The following ZFAND6 variants were observed in gnomAD, a reference collection of about 807,000 sequenced individuals.
The protein encoded by ZFAND6 is zinc finger AN1-type containing 6, also known as AN1-type zinc finger protein 6.
In ZFAND6, 12 loss-of-function variants were observed where a neutral mutation model predicts 24.5. The observed-to-expected ratio is 0.49, with a 90% CI of 0.31 to 0.79. ZFAND6 has a LOEUF of 0.79. ZFAND6 is among the 30% of genes least tolerant of loss of function. The probability of loss-of-function intolerance (pLI) is 0.04; values close to 1 mark genes in which losing one functional copy is unlikely to be tolerated. For missense variants in ZFAND6, 207 were observed against 245.9 expected, an observed-to-expected ratio of 0.84 and a Z score of 1.06; for synonymous variants, 92 against 81.5, an observed-to-expected ratio of 1.13 and a Z score of -0.69.
At chr15:80,110,393 C>T (rs146936988) in intron 2 of ZFAND6, among the ~76,000 whole-genome samples, 1 of 152,070 alleles carries the variant, frequency 6.6e-6, no homozygotes, top group Non-Finnish European at 1.5e-5. Flanking sequence ...TCACAGAACA[C>T]TATAAAACAT....
Position 80,126,641 on chromosome 15 carries a change from C to T in ZFAND6, c.364+3841C>T, listed in dbSNP as rs1054212609. On this transcript the variant is annotated intron_variant, in intron 5 of 6. Transcript: ENST00000261749. ...GTCATACCATATGCAAAAATTCACC[C>T]GAAATACATCAAAGACCTAAAACGA... Among the ~76,000 whole-genome samples the T allele has an allele frequency of 5.3e-5, 8 of 152,210 alleles. No homozygotes were observed. The South Asian group carries it at 8.3e-4, about 16-fold the overall frequency.
intron 1 of ZFAND6, among the ~76,000 whole-genome samples, chr15:80,078,813 G>A (rs2141845505): frequency 6.6e-6 from 1 of 151,210 alleles, no homozygotes; most frequent in South Asian, 2.1e-4. Context: ...ATTAGTGATG[G>A]TAATGTTGAG....
At chr15:80,060,091 G>T (rs1433716067) in intron 1 of ZFAND6, 1 of 151,994 alleles carries the variant, frequency 6.6e-6, no homozygotes, top group East Asian at 1.9e-4. Context: ...CTTCCTGTCA[G>T]GGTGGTCGCG....
At chr15:80,135,798 G>T (rs1366251440) in intron 6 of ZFAND6, among the ~76,000 whole-genome samples, 1 of 152,018 alleles carries the variant, frequency 6.6e-6, no homozygotes, top group African/African-American at 2.4e-5. Context: ...AGATGTTTCA[G>T]ATTTGCCCAT....
At chr15:80,132,684 A>C (rs1012886720) in intron 6 of ZFAND6, among the ~76,000 whole-genome samples, 4 of 152,310 alleles carry the variant, frequency 2.6e-5, no homozygotes, top group South Asian at 4.1e-4. Context: ...TGTGGTTCTC[A>C]TGTATTTTTC....
chr15:80,097,673 A>AATAAATAAATAC lies in ZFAND6; in HGVS notation c.-180-740_-180-739insAATAAATACATA, dbSNP rs71455303. Among the ~76,000 whole-genome samples, 957 of 150,612 alleles carry AATAAATAAATAC rather than the reference A, an allele frequency of 6.4e-3. 24 individuals are homozygous for AATAAATAAATAC. Among genetic ancestry groups the AATAAATAAATAC allele is most frequent in the Admixed American group, 0.047 (703 of 15,052 alleles). ...TCTCAAATAAATAAATAAATAAATA[A>AATAAATAAATAC]ATACATACATTTATTTTTGCAGTGC... On this transcript the variant is annotated intron_variant, in intron 1 of 6. Transcript: ENST00000261749.
At chr15:80,074,167 A>G (rs933849727) in intron 1 of ZFAND6, among the ~76,000 whole-genome samples, 19 of 151,890 alleles carry the variant, frequency 1.3e-4, no homozygotes, top group African/African-American at 4.1e-4. Context: ...CTAAAAGCCT[A>G]TTTTCAACAC....
At chr15:80,107,590 T>C (rs1182738812) in intron 2 of ZFAND6, among the ~76,000 whole-genome samples, 3 of 152,028 alleles carry the variant, frequency 2.0e-5, no homozygotes, top group Non-Finnish European at 4.4e-5. Flanking sequence ...TTTGGGAGGC[T>C]GAAGCGGGTG....
At chr15:80,079,255 C>T (rs895680361) in intron 1 of ZFAND6, among the ~76,000 whole-genome samples, 3 of 152,002 alleles carry the variant, frequency 2.0e-5, no homozygotes, top group Admixed American at 1.3e-4. Flanking sequence ...GAGTCTCGCT[C>T]TGTCGCCCAG....
chr15:80,098,044 G>C (rs1425089310), intron 1 of ZFAND6, among the ~76,000 whole-genome samples: 1 of 152,156 alleles, frequency 6.6e-6, no homozygotes, highest in Non-Finnish European at 1.5e-5. Flanking sequence ...GTATACTTGA[G>C]ACTCTAAAGG....
At chr15:80,073,693 T>G (rs2037106511) in intron 1 of ZFAND6, among the ~76,000 whole-genome samples, 3 of 151,968 alleles carry the variant, frequency 2.0e-5, no homozygotes, top group Non-Finnish European at 1.5e-5. Context: ...CATCTCATTT[T>G]TTTCCTGTTC....
At chr15:80,073,373 A>G (rs985743776) in intron 1 of ZFAND6, 2 of 288,862 alleles carry the variant, frequency 6.9e-6, no homozygotes, top group South Asian at 2.8e-5. Flanking sequence ...GATTCTATTT[A>G]CATTTCTTAT....
At chr15:80,127,893 T>C (rs757875080) in intron 5 of ZFAND6, among the ~76,000 whole-genome samples, 7 of 152,060 alleles carry the variant, frequency 4.6e-5, no homozygotes, top group Non-Finnish European at 1.0e-4. Flanking sequence ...TGTACACAAG[T>C]GTTCGTAGCA....
chr15:80,068,173 G>A (rs1333789940), intron 1 of ZFAND6, among the ~76,000 whole-genome samples: 1 of 150,524 alleles, frequency 6.6e-6, no homozygotes, highest in African/African-American at 2.4e-5. Context: ...TTGAGACATG[G>A]TGTTGCCTTT....
intron 2 of ZFAND6, among the ~76,000 whole-genome samples, chr15:80,114,340 C>T (rs1181867307): frequency 2.6e-5 from 4 of 152,208 alleles, no homozygotes; most frequent in Non-Finnish European, 5.9e-5. Context: ...TGTTTACATA[C>T]AGCATAGTTT....
chr15:80,101,185 G>A (rs955120003), intron 2 of ZFAND6, among the ~76,000 whole-genome samples: 4 of 152,282 alleles, frequency 2.6e-5, no homozygotes, highest in Admixed American at 2.6e-4. Flanking sequence ...ACTCCCGGCT[G>A]GGCGTGGTGG....
intron 1 of ZFAND6, among the ~76,000 whole-genome samples, chr15:80,087,012 G>A (rs1389740382): frequency 6.6e-6 from 1 of 152,154 alleles, no homozygotes; most frequent in African/African-American, 2.4e-5. Context: ...TTTTAAAGGT[G>A]GAATAATACT....
chr15:80,129,366 G>A (rs2040500767), intron 5 of ZFAND6, among the ~76,000 whole-genome samples: 1 of 152,200 alleles, frequency 6.6e-6, no homozygotes, highest in African/African-American at 2.4e-5. Flanking sequence ...ACTTGTTTGT[G>A]GCATTCTGCC....
At position 80,066,898 on chromosome 15, in the gene ZFAND6, C is replaced by CAA. The variant is rs550502301; in HGVS notation, c.-181+7106_-181+7107dup. On this transcript the variant is annotated intron_variant, in intron 1 of 6. Transcript: ENST00000261749. ...GGCGACACAGTGAGACTCCATCTCCCAAAAAAAAAAAAAAAAAATTGCAAA... is the reference window on the plus strand; with the variant it reads ...GGCGACACAGTGAGACTCCATCTCCCAAAAAAAAAAAAAAAAAAAATTGCAAA... Among the ~76,000 whole-genome samples, 135 of 115,126 alleles carry CAA rather than the reference C, an allele frequency of 1.2e-3. 1 individual carries two copies. Among genetic ancestry groups the CAA allele is most frequent in the African/African-American group, 3.5e-3 (115 of 32,896 alleles). 75.5% of individuals were successfully genotyped at this position (115,126 alleles called of 152,430 possible).
Sources: gnomAD v4.1 joint callset for allele counts (sites outside exome capture counted in the v4.1 genomes callset) on GRCh38, gnomAD v4.1.1 for gene constraint, MANE v1.5 for transcripts, NCBI Gene and HGNC (gene_info 2026-07-23, HGNC 2026-07-21) for gene names.